The following DTD1 variants were observed in gnomAD, a reference collection of about 807,000 sequenced individuals.
The protein encoded by DTD1 is D-tyrosyl-tRNA deacylase 1 homolog.
In DTD1, 13 loss-of-function variants were observed where a neutral mutation model predicts 25.6. The ratio of observed to expected loss-of-function variants is 0.51; its 90% CI spans 0.33 to 0.81. The LOEUF is 0.81. Ranked by LOEUF, DTD1 falls within the 30% of genes least tolerant of loss-of-function variation. The probability of loss-of-function intolerance (pLI) is 0.02; values close to 1 mark genes in which losing one functional copy is unlikely to be tolerated. For synonymous variants in DTD1, 110 were observed against 103.6 expected (o/e 1.06, Z -0.37); for missense variants, 193 against 266.4 (o/e 0.72, Z 1.92).
At chr20:18,759,794 T>G (rs1200462187) in intron 5 of DTD1, among the ~76,000 whole-genome samples, 2 of 152,228 alleles carry the variant, frequency 1.3e-5, no homozygotes, top group African/African-American at 4.8e-5. Context: ...CTTGCTAGAT[T>G]GGGGAAGTTC....
chr20:18,731,376 T>A (rs1453908852), intron 4 of DTD1, among the ~76,000 whole-genome samples: 5 of 152,222 alleles, frequency 3.3e-5, no homozygotes, highest in Admixed American at 2.0e-4. Flanking sequence ...CTTGATCTGT[T>A]GTTAACCACA....
chr20:18,616,671 A>G (rs144602065), intron 3 of DTD1, among the ~76,000 whole-genome samples: 11 of 152,286 alleles, frequency 7.2e-5, no homozygotes, highest in African/African-American at 2.4e-4. Flanking sequence ...GCTGAGTGTG[A>G]TGGTGCACGC....
chr20:18,686,614 G>A (rs547484654), intron 4 of DTD1, among the ~76,000 whole-genome samples: 15 of 151,974 alleles, frequency 9.9e-5, no homozygotes, highest in African/African-American at 3.4e-4. Flanking sequence ...TCTTATATGT[G>A]AGGTTGAACC....
intron 4 of DTD1, among the ~76,000 whole-genome samples, chr20:18,691,575 G>T (rs188661362): frequency 1.3e-5 from 2 of 152,252 alleles, no homozygotes. Flanking sequence ...ACACATGGAA[G>T]TAAAGATGGG....
chr20:18,697,745 C>T (rs928734545), intron 4 of DTD1, among the ~76,000 whole-genome samples: 5 of 152,162 alleles, frequency 3.3e-5, no homozygotes, highest in Non-Finnish European at 7.4e-5. Flanking sequence ...AGTGCAGTGG[C>T]GCTATCTCGG....
chr20:18,590,913 A>G (rs2060586881), intron 1 of DTD1, among the ~76,000 whole-genome samples: 1 of 152,230 alleles, frequency 6.6e-6, no homozygotes, highest in Non-Finnish European at 1.5e-5. Context: ...TCAGCAGCTA[A>G]AATTTGATGT....
At chr20:18,688,779 T>A (rs1346824893) in intron 4 of DTD1, among the ~76,000 whole-genome samples, 1 of 152,008 alleles carries the variant, frequency 6.6e-6, no homozygotes, top group African/African-American at 2.4e-5. Flanking sequence ...CTTCCAGGAA[T>A]GTGGTGTTTA....
intron 3 of DTD1, among the ~76,000 whole-genome samples, chr20:18,608,053 T>C (rs915656482): frequency 6.6e-6 from 1 of 152,100 alleles, no homozygotes; most frequent in African/African-American, 2.4e-5. Context: ...AGATTGTACC[T>C]TTCAAGAAAT....
chr20:18,732,034 A>G (rs963032393), intron 4 of DTD1, among the ~76,000 whole-genome samples: 1 of 152,038 alleles, frequency 6.6e-6, no homozygotes, highest in Non-Finnish European at 1.5e-5. Context: ...TTTGGTCTCC[A>G]CCTTTCTCCC....
chr20:18,748,384 G>A (rs912914864), intron 5 of DTD1, among the ~76,000 whole-genome samples: 7 of 151,970 alleles, frequency 4.6e-5, no homozygotes, highest in African/African-American at 1.5e-4. Flanking sequence ...TCTATGACGG[G>A]GTATTGAGTT....
At chr20:18,666,842 T>C (rs2060933128) in intron 4 of DTD1, among the ~76,000 whole-genome samples, 1 of 152,192 alleles carries the variant, frequency 6.6e-6, no homozygotes, top group Admixed American at 6.5e-5. Flanking sequence ...TTTTTCTCAT[T>C]ATATGAGCCA....
intron 3 of DTD1, among the ~76,000 whole-genome samples, chr20:18,609,564 T>A (rs1413303565): frequency 6.6e-6 from 1 of 152,164 alleles, no homozygotes; most frequent in Non-Finnish European, 1.5e-5. Flanking sequence ...ATTTTTGAAA[T>A]TTTTTTGAAG....
rs933370876 is a variant in DTD1, at chr20:18,763,676, A to G, written c.*336A>G. 6.5e-6 allele frequency: 1 copy of G among 152,684 alleles called. No individual in the cohort carries two copies. The highest frequency in any genetic ancestry group is 2.4e-5 in the African/African-American group (1 of 41,446). 9.5% of individuals were successfully genotyped at this position (152,684 alleles called of 1,614,324 possible). On this transcript the variant is annotated 3_prime_UTR_variant, in exon 6 of 6. Coordinates refer to ENST00000377452, the MANE Select transcript of DTD1 (RefSeq NM_080820.6). Reference sequence around the variant, plus strand: ...GCTTGCTTTTGGAACAGGCTGGCCCAGCATCATTTGTCATCAAGTCCACTG... The same window carrying G: ...GCTTGCTTTTGGAACAGGCTGGCCCGGCATCATTTGTCATCAAGTCCACTG...
At chr20:18,599,383 C>T (rs1408943392) in intron 3 of DTD1, among the ~76,000 whole-genome samples, 2 of 151,992 alleles carry the variant, frequency 1.3e-5, no homozygotes, top group African/African-American at 2.4e-5. Flanking sequence ...GCATGTTGGC[C>T]AGGCTGGTCT....
intron 3 of DTD1, among the ~76,000 whole-genome samples, chr20:18,606,727 G>A (rs369139835): frequency 1.5e-5 from 2 of 130,710 alleles, no homozygotes; most frequent in Admixed American, 8.4e-5. Flanking sequence ...GAATTGAACA[G>A]TGAGATCACA....
chr20:18,642,487 T>G (rs2060832974), intron 4 of DTD1, among the ~76,000 whole-genome samples: 1 of 152,204 alleles, frequency 6.6e-6, no homozygotes, highest in South Asian at 2.1e-4. Flanking sequence ...CAGGCTGGTT[T>G]CAATCTCCTG....
intron 3 of DTD1, among the ~76,000 whole-genome samples, chr20:18,607,483 G>A (rs1317139672): frequency 6.6e-6 from 1 of 151,846 alleles, no homozygotes; most frequent in African/African-American, 2.4e-5. Context: ...ATCTGGTTTC[G>A]GTATTAGGGT....
intron 4 of DTD1, among the ~76,000 whole-genome samples, chr20:18,714,293 G>A (rs1168946169): frequency 6.6e-6 from 1 of 152,120 alleles, no homozygotes; most frequent in East Asian, 1.9e-4. Context: ...CCAACCACTT[G>A]TGTGTTTGTT....
At chr20:18,708,812 G>C (rs553067046) in intron 4 of DTD1, among the ~76,000 whole-genome samples, 26 of 152,246 alleles carry the variant, frequency 1.7e-4, no homozygotes, top group Middle Eastern at 3.4e-3. Flanking sequence ...TCAACATAAG[G>C]AGATACTGCC....
Sources: gnomAD v4.1 joint callset for allele counts (sites outside exome capture counted in the v4.1 genomes callset) on GRCh38, gnomAD v4.1.1 for gene constraint, MANE v1.5 for transcripts, NCBI Gene and HGNC (gene_info 2026-07-23, HGNC 2026-07-21) for gene names.